Variants in KCTD16 observed in about 807,000 individuals in gnomAD.
KCTD16 encodes potassium channel tetramerization domain containing 16.
A neutral mutation model predicts 33.2 loss-of-function variants in KCTD16; 13 were observed. The ratio of observed to expected loss-of-function variants is 0.39; its 90% confidence interval spans 0.25 to 0.62. The LOEUF (loss-of-function observed/expected upper bound fraction) is 0.62. Ranked by LOEUF, KCTD16 falls within the 20% of genes least tolerant of loss-of-function variation. The pLI is 0.50. For synonymous variants in KCTD16, 197 were observed against 195.3 expected (o/e 1.01, Z -0.07); for missense variants, 441 against 525.1 (o/e 0.84, Z 1.57).
intron 3 of KCTD16, among the ~76,000 whole-genome samples, chr5:144,329,814 C>T (rs1752306497): frequency 6.6e-6 from 1 of 152,128 alleles, no homozygotes. Context: ...GTCCACCAAC[C>T]TTAGGAAGGA....
chr5:144,249,393 T>C (rs1001196611), intron 3 of KCTD16, among the ~76,000 whole-genome samples: 1 of 152,168 alleles, frequency 6.6e-6, no homozygotes. Context: ...TTCATTTATT[T>C]ATTTATACAT....
intron 3 of KCTD16, among the ~76,000 whole-genome samples, chr5:144,382,308 A>G (rs910281223): frequency 8.5e-5 from 13 of 152,292 alleles, no homozygotes; most frequent in African/African-American, 2.4e-4. Flanking sequence ...TGACTAAATC[A>G]TTTGTACACA....
At chr5:144,232,278 T>G (rs990138693) in intron 3 of KCTD16, among the ~76,000 whole-genome samples, 4 of 152,234 alleles carry the variant, frequency 2.6e-5, no homozygotes, top group African/African-American at 9.6e-5. Flanking sequence ...AATATTTTAT[T>G]TGTTTTTGAA....
chr5:144,276,912 AAAG>A (rs1453630957), intron 3 of KCTD16, among the ~76,000 whole-genome samples: 1 of 152,052 alleles, frequency 6.6e-6, no homozygotes, highest in Non-Finnish European at 1.5e-5. Context: ...AAAAAAAAAA[AAAG>A]AAACTCCATC....
At chr5:144,331,524 T>A (rs192348133) in intron 3 of KCTD16, among the ~76,000 whole-genome samples, 2 of 152,138 alleles carry the variant, frequency 1.3e-5, no homozygotes, top group East Asian at 3.9e-4. Flanking sequence ...CAGGAGCAGA[T>A]AAGTGAGAGT....
intron 3 of KCTD16, among the ~76,000 whole-genome samples, chr5:144,318,886 C>A (rs1751999060): frequency 6.6e-6 from 1 of 151,944 alleles, no homozygotes; most frequent in Non-Finnish European, 1.5e-5. Context: ...ATTAAACTGG[C>A]ATATAAAACT....
intron 3 of KCTD16, among the ~76,000 whole-genome samples, chr5:144,357,700 C>A (rs973693801): frequency 2.0e-5 from 3 of 152,126 alleles, no homozygotes; most frequent in African/African-American, 4.8e-5. Flanking sequence ...AAAGAATAGG[C>A]AGGAGTTTGC....
At chr5:144,473,305 A>T (rs1335462036) in intron 3 of KCTD16, among the ~76,000 whole-genome samples, 1 of 152,164 alleles carries the variant, frequency 6.6e-6, no homozygotes, top group Non-Finnish European at 1.5e-5. Context: ...ATAGTAGGAA[A>T]ATTATTACCC....
intron 3 of KCTD16, among the ~76,000 whole-genome samples, chr5:144,319,872 C>G (rs536863776): frequency 6.6e-6 from 1 of 152,066 alleles, no homozygotes; most frequent in Non-Finnish European, 1.5e-5. Context: ...TTCAAAATTG[C>G]TACGCTATTT....
At chr5:144,298,965 G>A (rs983063883) in intron 3 of KCTD16, among the ~76,000 whole-genome samples, 1 of 144,268 alleles carries the variant, frequency 6.9e-6, no homozygotes, top group African/African-American at 2.5e-5. Context: ...ATAAAGTCTC[G>A]GGAATGGGGC....
At chr5:144,444,872 T>C (rs982365364) in intron 3 of KCTD16, among the ~76,000 whole-genome samples, 1 of 150,166 alleles carries the variant, frequency 6.7e-6, no homozygotes, top group African/African-American at 2.4e-5. Context: ...TGTGCATGTA[T>C]ATATAAATAC....
chr5:144,362,594 G>A (rs936552740), intron 3 of KCTD16, among the ~76,000 whole-genome samples: 1 of 152,114 alleles, frequency 6.6e-6, no homozygotes, highest in Non-Finnish European at 1.5e-5. Context: ...TGTGGACTGG[G>A]AATAGTAATA....
intron 3 of KCTD16, chr5:144,384,159 C>T (rs1333275097): frequency 3.3e-5 from 5 of 152,266 alleles, no homozygotes; most frequent in African/African-American, 1.2e-4. Context: ...ATATTTTATG[C>T]TCTTCTCTCA....
intron 3 of KCTD16, among the ~76,000 whole-genome samples, chr5:144,320,603 T>C (rs1016897096): frequency 1.3e-5 from 2 of 152,210 alleles, no homozygotes; most frequent in Non-Finnish European, 2.9e-5. Context: ...AAAGTGACAC[T>C]GTTTAAAGGA....
chr5:144,278,223 TG>T (rs1755491712), intron 3 of KCTD16, among the ~76,000 whole-genome samples: 1 of 152,044 alleles, frequency 6.6e-6, no homozygotes, highest in Non-Finnish European at 1.5e-5. Flanking sequence ...AAACTTTTTT[TG>T]TATATGGGTG....
At chr5:144,396,072 A>G (rs1424007269) in intron 3 of KCTD16, among the ~76,000 whole-genome samples, 2 of 152,126 alleles carry the variant, frequency 1.3e-5, no homozygotes, top group Non-Finnish European at 2.9e-5. Context: ...ACCCTGCTCT[A>G]GATTTTGGGG....
intron 3 of KCTD16, among the ~76,000 whole-genome samples, chr5:144,365,923 G>C (rs1405563191): frequency 2.6e-5 from 4 of 152,158 alleles, no homozygotes; most frequent in Non-Finnish European, 1.5e-5. Flanking sequence ...TAAAAATTGT[G>C]AGCTATTTAT....
At chr5:144,430,314 G>A (rs1370770608) in intron 3 of KCTD16, among the ~76,000 whole-genome samples, 1 of 152,116 alleles carries the variant, frequency 6.6e-6, no homozygotes, top group African/African-American at 2.4e-5. Flanking sequence ...GTCAAATCAA[G>A]ATGGCAGAGA....
Position 144,442,492 on chromosome 5 carries a change from CCTTT to C in KCTD16, c.833-31165_833-31162del, listed in dbSNP as rs781729251. 5.5e-3 allele frequency among the ~76,000 whole-genome samples: 583 copies of C among 106,894 alleles called. 2 individuals are homozygous for C. Among genetic ancestry groups the C allele is most frequent in the African/African-American group, 0.02 (564 of 27,876 alleles). 70.1% of individuals were successfully genotyped at this position (106,894 alleles called of 152,430 possible). A position where few individuals can be genotyped will look rare whatever the true frequency, so the allele number is the denominator to read the frequency against. ...TTCTTTCTTTCTGTCGTTCTTTCTG[CCTTT>C]CTATTTATCTTTTTCTTTCCCTCCT... is the stretch of plus-strand genomic sequence containing the variant. On this transcript the variant is annotated intron_variant, in intron 3 of 3. Transcript: ENST00000512467.
Sources: allele counts gnomAD v4.1 joint callset (sites outside exome capture counted in the v4.1 genomes callset), GRCh38; gene constraint gnomAD v4.1.1; transcripts MANE v1.5; gene names NCBI Gene and HGNC (gene_info 2026-07-23, HGNC 2026-07-21).